PCDH9: variants seen among roughly 807,000 people sequenced by gnomAD.
PCDH9 encodes protocadherin 9.
Under a neutral mutation model 70.6 loss-of-function variants are expected in PCDH9, and 24 were observed. That is an observed-to-expected ratio of 0.34 (90% confidence interval 0.25 to 0.48). The LOEUF is 0.48. PCDH9 is among the 20% of genes least tolerant of loss of function. The pLI, the probability that PCDH9 is intolerant of heterozygous loss-of-function variation, is 0.99. For missense variants in PCDH9, 1,281 were observed against 1,503.6 expected, an observed-to-expected ratio of 0.85 and a Z score of 2.45; for synonymous variants, 562 against 558.5, an observed-to-expected ratio of 1.01 and a Z score of -0.09.
chr13:66,466,101 A>G (rs1958508990), intron 4 of PCDH9, among the ~76,000 whole-genome samples: 1 of 151,954 alleles, frequency 6.6e-6, no homozygotes, highest in African/African-American at 2.4e-5. Flanking sequence ...ACAGAAACAC[A>G]ACTACATCTC....
chr13:67,174,517 G>A (rs969853456), intron 2 of PCDH9, among the ~76,000 whole-genome samples: 4 of 152,098 alleles, frequency 2.6e-5, no homozygotes, highest in Non-Finnish European at 5.9e-5. Context: ...AGCTGCATTC[G>A]TCAGGTGAGC....
chr13:66,797,399 T>C (rs529230622), intron 3 of PCDH9, among the ~76,000 whole-genome samples: 2 of 152,166 alleles, frequency 1.3e-5, no homozygotes, highest in Non-Finnish European at 2.9e-5. Context: ...ACTCCAGCAC[T>C]TTACCATAGT....
At chr13:66,553,920 T>C (rs1447531551) in intron 4 of PCDH9, among the ~76,000 whole-genome samples, 1 of 152,192 alleles carries the variant, frequency 6.6e-6, no homozygotes, top group Non-Finnish European at 1.5e-5. Flanking sequence ...AATTATTTCA[T>C]TCCATTTACA....
intron 2 of PCDH9, among the ~76,000 whole-genome samples, chr13:67,088,354 A>G (rs1050378944): frequency 6.6e-6 from 1 of 151,886 alleles, no homozygotes; most frequent in African/African-American, 2.4e-5. Flanking sequence ...CCATACATTC[A>G]CTCACCAAAT....
chr13:66,979,829 C>T (rs1394868323), intron 2 of PCDH9, among the ~76,000 whole-genome samples: 3 of 152,006 alleles, frequency 2.0e-5, no homozygotes, highest in African/African-American at 7.2e-5. Context: ...AATCTCTCTC[C>T]TTCTTTTTTG....
chr13:66,745,723 C>T (rs887378017), intron 3 of PCDH9, among the ~76,000 whole-genome samples: 3 of 151,976 alleles, frequency 2.0e-5, no homozygotes, highest in African/African-American at 7.3e-5. Flanking sequence ...CGAATATCTC[C>T]CCCATTCCAT....
At chr13:66,821,585 T>C (rs2080713164) in intron 3 of PCDH9, among the ~76,000 whole-genome samples, 1 of 152,200 alleles carries the variant, frequency 6.6e-6, no homozygotes, top group Non-Finnish European at 1.5e-5. Context: ...CCATTTATTT[T>C]CTGGAAGAAA....
chr13:66,904,622 T>C (rs1419626298), intron 2 of PCDH9, among the ~76,000 whole-genome samples: 1 of 151,982 alleles, frequency 6.6e-6, no homozygotes, highest in East Asian at 1.9e-4. Context: ...TCAAAACTAG[T>C]ATGCCATGTT....
At chr13:66,624,904 C>T (rs549878660) in intron 4 of PCDH9, among the ~76,000 whole-genome samples, 44 of 152,054 alleles carry the variant, frequency 2.9e-4, no homozygotes, top group Non-Finnish European at 4.4e-4. Context: ...AGTTTTATAC[C>T]AGTCTGCCAC....
rs763106926 is a variant in PCDH9 at position 67,226,178 on chromosome 13, T to C, written c.2263A>G (p.Ile755Val). The change falls in exon 2 of 5, where the codon ATA becomes GTA. Residue 755 changes from isoleucine to valine, a missense_variant. Around this residue, in one of 4 missense-constraint regions of PCDH9, gnomAD observed 798 missense variants for 1,003.1 expected, o/e 0.80. Coordinates refer to ENST00000377865, the MANE Select transcript of PCDH9 (RefSeq NM_203487.3). The surrounding 1 kb of genome is among the most constrained non-coding windows in gnomAD (Gnocchi z 5.0). Reference sequence around the variant, plus strand: ...GACTTAGGGTACCCCAGGTCACTTATGTTGACCACCAAACGATGCAATCCC... The same window carrying C: ...GACTTAGGGTACCCCAGGTCACTTACGTTGACCACCAAACGATGCAATCCC... ...DVGLHRLVVNISDLGYPKSLH... is the reference protein window; with the variant it reads ...DVGLHRLVVNVSDLGYPKSLH... 13 of 1,614,052 alleles carry C rather than the reference T, an allele frequency of 8.1e-6. No homozygotes were observed. The East Asian group carries it at 2.5e-4, about 30-fold the overall frequency.
chr13:67,002,574 T>TTAA (rs1555295976), intron 2 of PCDH9, among the ~76,000 whole-genome samples: 1 of 150,786 alleles, frequency 6.6e-6, no homozygotes, highest in Non-Finnish European at 1.5e-5. Flanking sequence ...TTTAAGAAGA[T>TTAA]AAAAAAAAAC....
chr13:67,229,830 A>C lies in PCDH9; in HGVS notation c.-186T>G, dbSNP rs1206753371. 1 of 152,212 alleles carries C rather than the reference A, an allele frequency of 6.6e-6. No homozygotes were observed. Among genetic ancestry groups the C allele is most frequent in the Non-Finnish European group, 1.5e-5 (1 of 68,052 alleles). 9.4% of individuals were successfully genotyped at this position (152,212 alleles called of 1,614,324 possible). ...TCCCAGTATGCTGCAGTTAGGAATG[A>C]TTTGTTCCAACACATAGAAAGCCAT... On this transcript the variant is annotated 5_prime_UTR_variant, in exon 1 of 5. Coordinates refer to ENST00000377865, the MANE Select transcript of PCDH9 (RefSeq NM_203487.3).
chr13:66,873,940 C>CTTTTTTTTT (rs528441546), intron 3 of PCDH9, among the ~76,000 whole-genome samples: 3 of 111,126 alleles, frequency 2.7e-5, no homozygotes, highest in Admixed American at 1.0e-4. Context: ...TTCTTTCTTT[C>CTTTTTTTTT]TTTTTTTTTT....
At chr13:67,135,036 G>A (rs1271086993) in intron 2 of PCDH9, among the ~76,000 whole-genome samples, 1 of 152,036 alleles carries the variant, frequency 6.6e-6, no homozygotes, top group East Asian at 1.9e-4. Flanking sequence ...TTCTGTATAA[G>A]AAAGATTAAC....
chr13:66,795,944 A>C (rs528570253), intron 3 of PCDH9, among the ~76,000 whole-genome samples: 1 of 152,154 alleles, frequency 6.6e-6, no homozygotes. Context: ...TCCTCTGGGA[A>C]GCAGTAACTG....
At chr13:66,779,815 A>ATCTCTCTCTCTC (rs1225450927) in intron 3 of PCDH9, among the ~76,000 whole-genome samples, 47 of 100,922 alleles carry the variant, frequency 4.7e-4, no homozygotes, top group Admixed American at 1.7e-3. Flanking sequence ...GCGAGACTCC[A>ATCTCTCTCTCTC]TCTCTCTCTC....
At chr13:67,014,499 T>G (rs1400758764) in intron 2 of PCDH9, among the ~76,000 whole-genome samples, 1 of 152,154 alleles carries the variant, frequency 6.6e-6, no homozygotes, top group African/African-American at 2.4e-5. Context: ...GTTGATAACA[T>G]CATTGCTTTT....
chr13:66,438,966 A>G (rs889246032), intron 4 of PCDH9, among the ~76,000 whole-genome samples: 7 of 152,174 alleles, frequency 4.6e-5, no homozygotes, highest in Non-Finnish European at 8.8e-5. Flanking sequence ...TTTCATCCAA[A>G]ATAGGCTTAA....
At chr13:67,174,861 T>C (rs1310070050) in intron 2 of PCDH9, among the ~76,000 whole-genome samples, 1 of 151,836 alleles carries the variant, frequency 6.6e-6, no homozygotes, top group Non-Finnish European at 1.5e-5. Flanking sequence ...TTAAATTAAA[T>C]TCAATAGGTC....
Sources: allele counts gnomAD v4.1 joint callset (sites outside exome capture counted in the v4.1 genomes callset), GRCh38; gene constraint gnomAD v4.1.1; regional missense constraint gnomAD v4.1.1; non-coding constraint Gnocchi (gnomAD v3.1); transcripts MANE v1.5; gene names NCBI Gene and HGNC (gene_info 2026-07-23, HGNC 2026-07-21).